QTRT1: variants seen among roughly 807,000 people sequenced by gnomAD.
QTRT1 encodes queuine tRNA-ribosyltransferase catalytic subunit 1.
Under a neutral mutation model 44.0 loss-of-function variants are expected in QTRT1, and 41 were observed. The ratio of observed to expected loss-of-function variants is 0.93; its 90% CI spans 0.73 to 1.21. The LOEUF is 1.21. Ranked by LOEUF, QTRT1 falls within the 50% of genes most tolerant of loss-of-function variation. QTRT1 has a pLI of 0.00. For synonymous variants in QTRT1, 226 were observed against 237.1 expected, an observed-to-expected ratio of 0.95 and a Z score of 0.43; for missense variants, 542 against 575.8, an observed-to-expected ratio of 0.94 and a Z score of 0.60.
intron 1 of QTRT1, 83 bp downstream of exon 1, chr19:10,701,786 C>T: frequency 6.4e-7 from 1 of 1,563,194 alleles, no homozygotes; most frequent in Non-Finnish European, 8.6e-7. Context: ...CCCGGACACT[C>T]CTCCCAAAGT....
At chr19:10,704,557 G>A (rs2068704070) in intron 3 of QTRT1, among the ~76,000 whole-genome samples, 1 of 151,770 alleles carries the variant, frequency 6.6e-6, no homozygotes, top group African/African-American at 2.4e-5. Flanking sequence ...GCCTTCCAAA[G>A]TGCTGGGATT....
At chr19:10,702,886 C>A (rs2068696790) in intron 3 of QTRT1, among the ~76,000 whole-genome samples, 1 of 146,876 alleles carries the variant, frequency 6.8e-6, no homozygotes, top group Non-Finnish European at 1.5e-5. Context: ...TCTCCTGACT[C>A]AGCCTCCCGA....
In QTRT1 at chr19:10,707,664, C is replaced by T. The variant is rs751299337; in HGVS notation, c.646+49C>T. 2.9e-6 allele frequency: 4 copies of T among 1,365,728 alleles called. No individual in the cohort carries two copies. The South Asian group carries it at 5.1e-5, about 17-fold the overall frequency. The allele number at this position is 1,365,728 out of a possible 1,614,324, so 84.6% of individuals were successfully genotyped here. ...CAGGGCTTGGCCATCGCGGAGGTCC[C>T]CACATGGGCCTGGCGTATGGCGGGA... On this transcript the variant is annotated intron_variant, in intron 5 of 9. Coordinates refer to ENST00000250237, the MANE Select transcript of QTRT1 (RefSeq NM_031209.3).
Position 10,701,525 on chromosome 19 carries a change from A to G in QTRT1, c.65A>G (p.Glu22Gly), listed in dbSNP as rs1162315564. 1.3e-6 allele frequency: 2 copies of G among 1,595,686 alleles called. No homozygotes were observed. The highest frequency in any genetic ancestry group is 3.4e-5 in the Admixed American group (2 of 58,710). ...SAPRIMRLVA[E>G]CSRSRARAGE... ...CCACGGATCATGCGGCTGGTGGCCGAATGCAGCCGCTCCAGGGCCCGGGCA... is the reference window on the plus strand; with the variant it reads ...CCACGGATCATGCGGCTGGTGGCCGGATGCAGCCGCTCCAGGGCCCGGGCA... Residue 22 changes from glutamate to glycine, a missense_variant, in exon 1 of 10, where the codon GAA (glutamate) becomes GGA (glycine). Coordinates refer to ENST00000250237, the MANE Select transcript of QTRT1 (RefSeq NM_031209.3).
intron 3 of QTRT1, among the ~76,000 whole-genome samples, chr19:10,704,912 C>T (rs1029050750): frequency 2.7e-5 from 4 of 147,886 alleles, no homozygotes; most frequent in South Asian, 2.1e-4. Context: ...TAATGAATGT[C>T]GTAATTTTTT....
intron 3 of QTRT1, chr19:10,706,662 C>T (rs1293690887): frequency 6.7e-6 from 1 of 148,512 alleles, no homozygotes; most frequent in Non-Finnish European, 1.5e-5. Context: ...CGTGAGCCAT[C>T]GCGCCTGTTT....
chr19:10,709,647 G>C (rs2068729904), intron 5 of QTRT1, among the ~76,000 whole-genome samples: 1 of 152,046 alleles, frequency 6.6e-6, no homozygotes, highest in South Asian at 2.1e-4. Context: ...GGGAGATCGA[G>C]ACCAACCTGG....
chr19:10,702,968 C>T (rs1162113762), intron 3 of QTRT1, among the ~76,000 whole-genome samples: 1 of 150,628 alleles, frequency 6.6e-6, no homozygotes, highest in African/African-American at 2.4e-5. Context: ...AGGGTTTCTC[C>T]ATGTTGGTTA....
intron 3 of QTRT1, 81 bp from the exon 4 acceptor site, chr19:10,707,221 C>G: frequency 3.5e-6 from 5 of 1,431,650 alleles, no homozygotes; most frequent in Non-Finnish European, 4.9e-6. Flanking sequence ...TTGGGGAAGT[C>G]CAACTTGTCC....
In QTRT1 at chr19:10,707,416, G is replaced by A. The variant is rs892085; in HGVS notation, c.530+36G>A. 0.56 allele frequency: 905,322 copies of A among 1,611,248 alleles called. 256,929 individuals carry two copies. Among genetic ancestry groups the A allele is most frequent in the African/African-American group, 0.65 (48,465 of 74,842 alleles). On this transcript the variant is annotated intron_variant, in intron 4 of 9. Transcript: ENST00000250237. ...GCTGTGTGCATGTGTGGGATATGTG[G>A]TGGGAGGGGATCCTGGTCCCTGTAG...
chr19:10,713,140 G>T lies in QTRT1; in HGVS notation c.1082G>T (p.Arg361Leu). The T allele has an allele frequency of 1.9e-6, 3 of 1,608,652 alleles. No individual in the cohort carries two copies. Among genetic ancestry groups the T allele is most frequent in the Non-Finnish European group, 2.5e-6 (3 of 1,178,126 alleles). Residue 361 changes from arginine to leucine, a missense_variant, in exon 10 of 10, where the codon CGC becomes CTC. Transcript: ENST00000250237. This position sits in a 1 kb window ranked among gnomAD's most constrained non-coding sequence, Gnocchi z 4.3. ...AYQLQLMSAVRTSIVEKRFPD... is the reference protein window; with the variant it reads ...AYQLQLMSAVLTSIVEKRFPD... ...CAGCTGCAGCTCATGAGCGCCGTCC[G>T]CACCAGCATCGTGGAGAAGCGCTTC...
chr19:10,713,116 A>G lies in QTRT1; in HGVS notation c.1060-2A>G. 1 of 1,609,246 alleles carries G rather than the reference A, an allele frequency of 6.2e-7. No individual in the cohort carries two copies. The highest frequency in any genetic ancestry group is 8.5e-7 in the Non-Finnish European group (1 of 1,179,334). On this transcript the variant is annotated splice_acceptor_variant, in intron 9 of 9. Coordinates refer to ENST00000250237, the MANE Select transcript of QTRT1 (RefSeq NM_031209.3). LOFTEE classifies it high-confidence loss of function. The surrounding 1 kb of genome is among the most constrained non-coding windows in gnomAD (Gnocchi z 4.3). ...CCCCACGCTGACCTCCCCTCCCCGC[A>G]GCTGCAGCTCATGAGCGCCGTCCGC...
chr19:10,712,325 G>A lies in QTRT1; in HGVS notation c.785+26G>A. On this transcript the variant is annotated intron_variant, in intron 6 of 9. Coordinates refer to ENST00000250237, the MANE Select transcript of QTRT1 (RefSeq NM_031209.3). This position sits in a 1 kb window ranked among gnomAD's most constrained non-coding sequence, Gnocchi z 5.6. ...GTATGTTGTGGATAGGGAAGCCAGA[G>A]CCCTACCTGTGGGAAGTGGATTCCT... 1.3e-6 allele frequency: 2 copies of A among 1,590,004 alleles called. No individual in the cohort carries two copies. The highest frequency in any genetic ancestry group is 1.7e-6 in the Non-Finnish European group (2 of 1,167,332).
At chr19:10,701,759 A>G (rs940055743) in intron 1 of QTRT1, 56 bp downstream of exon 1, 11 of 1,557,072 alleles carry the variant, frequency 7.1e-6, no homozygotes, top group Non-Finnish European at 9.5e-6. Context: ...GTGGGGAGCC[A>G]TGGAGCGTCC....
chr19:10,701,635 A>G lies in QTRT1; in HGVS notation c.175A>G (p.Thr59Ala). ...GCAGGCCACCATGAAGGGCATCACG[A>G]CCGAACAGCTGGACGCTCTGGGTTG... is the stretch of plus-strand genomic sequence containing the variant. ...GTQATMKGITTEQLDALGCRI... is the reference protein window; with the variant it reads ...GTQATMKGITAEQLDALGCRI... Residue 59 changes from threonine to alanine, a missense_variant, in exon 1 of 10, where the codon ACC (threonine) becomes GCC (alanine). By Grantham distance (58) the Thr-to-Ala change is moderately conservative. Coordinates refer to ENST00000250237, the MANE Select transcript of QTRT1 (RefSeq NM_031209.3). The G allele has an allele frequency of 1.2e-6, 2 of 1,602,656 alleles. No individual in the cohort carries two copies. The highest frequency in any genetic ancestry group is 1.7e-6 in the Non-Finnish European group (2 of 1,175,844).
intron 5 of QTRT1, among the ~76,000 whole-genome samples, chr19:10,710,797 A>C (rs2145624506): frequency 6.6e-6 from 1 of 151,476 alleles, no homozygotes; most frequent in East Asian, 2.0e-4. Flanking sequence ...GTGGTGGGCG[A>C]CTGTAGTCCC....
At chr19:10,701,727 G>GGAGGCGGC (rs759087448) in intron 1 of QTRT1, 24 bp downstream of exon 1, 13 of 1,565,176 alleles carry the variant, frequency 8.3e-6, no homozygotes, top group Middle Eastern at 1.7e-4. Context: ...GCCCGCGCGG[G>GGAGGCGGC]GAGGCGGCGA....
At chr19:10,708,385 G>A (rs2068724276) in intron 5 of QTRT1, among the ~76,000 whole-genome samples, 1 of 152,118 alleles carries the variant, frequency 6.6e-6, no homozygotes, top group Non-Finnish European at 1.5e-5. Flanking sequence ...GCTTTCCAAA[G>A]TGCTTGGAAT....
intron 5 of QTRT1, chr19:10,711,476 TTTTGAGATGGAGTCTCAC>T (rs1158941286): frequency 2.0e-5 from 3 of 148,632 alleles, no homozygotes; most frequent in Non-Finnish European, 4.4e-5. Context: ...CGGCCCTTTT[TTTTGAGATGGAGTCTCAC>T]TTTGTCACCC....
Sources: allele counts gnomAD v4.1 joint callset (sites outside exome capture counted in the v4.1 genomes callset), GRCh38; gene constraint gnomAD v4.1.1; non-coding constraint Gnocchi (gnomAD v3.1); transcripts MANE v1.5; gene names NCBI Gene and HGNC (gene_info 2026-07-23, HGNC 2026-07-21).